The following NEGR1 variants were observed in gnomAD, a reference collection of about 807,000 sequenced individuals.
The protein encoded by NEGR1 is IgLON family member 4.
A neutral mutation model predicts 40.9 loss-of-function variants in NEGR1; 10 were observed. The ratio of observed to expected loss-of-function variants is 0.24; its 90% CI spans 0.15 to 0.42. The LOEUF is 0.42. NEGR1 is among the 10% of genes least tolerant of loss of function. The pLI is 1.00. For missense variants in NEGR1, 352 were observed against 438.9 expected (o/e 0.80, Z 1.77); for synonymous variants, 185 against 166.8 (o/e 1.11, Z -0.84).
chr1:71,469,269 T>A (rs1415146479), intron 6 of NEGR1, among the ~76,000 whole-genome samples: 2 of 152,056 alleles, frequency 1.3e-5, no homozygotes, highest in African/African-American at 4.8e-5. Flanking sequence ...ATTTATCTAA[T>A]TTGTCACTTG....
At chr1:72,177,656 ACAC>A (rs934755533) in intron 1 of NEGR1, among the ~76,000 whole-genome samples, 4 of 152,180 alleles carry the variant, frequency 2.6e-5, no homozygotes, top group Non-Finnish European at 4.4e-5. Context: ...TAGAAAAACA[ACAC>A]CACCATTTAA....
At chr1:71,645,174 C>G (rs1278625793) in intron 4 of NEGR1, among the ~76,000 whole-genome samples, 1 of 151,872 alleles carries the variant, frequency 6.6e-6, no homozygotes, top group Admixed American at 6.6e-5. Context: ...TAGGAGATAT[C>G]TTTGATTATG....
At chr1:71,534,688 C>G (rs1440919510) in intron 6 of NEGR1, among the ~76,000 whole-genome samples, 1 of 151,572 alleles carries the variant, frequency 6.6e-6, no homozygotes, top group Non-Finnish European at 1.5e-5. Context: ...TTCCATTTTC[C>G]ATTTGCAAGG....
chr1:71,610,958 A>G, intron 5 of NEGR1, 68 bp downstream of exon 5: 6 of 1,518,086 alleles, frequency 4.0e-6, no homozygotes, highest in Non-Finnish European at 5.4e-6. Context: ...TGCCTAAAGT[A>G]AGTATCTGAA....
intron 4 of NEGR1, among the ~76,000 whole-genome samples, chr1:71,626,291 A>G (rs1217743592): frequency 5.9e-5 from 9 of 151,940 alleles, no homozygotes; most frequent in Admixed American, 5.3e-4. Context: ...TACATGTGCC[A>G]CGTTGGTGTG....
At chr1:71,607,979 G>A (rs1489218433) in intron 5 of NEGR1, among the ~76,000 whole-genome samples, 4 of 152,182 alleles carry the variant, frequency 2.6e-5, no homozygotes, top group Non-Finnish European at 4.4e-5. Flanking sequence ...GAGCCACTGT[G>A]CCTGGCTAGC....
At chr1:71,666,892 A>G (rs958706521) in intron 4 of NEGR1, among the ~76,000 whole-genome samples, 1 of 152,202 alleles carries the variant, frequency 6.6e-6, no homozygotes, top group Non-Finnish European at 1.5e-5. Flanking sequence ...TTCCAACTAT[A>G]AAAACAGTCA....
At chr1:71,918,915 G>T (rs1661680281) in intron 2 of NEGR1, among the ~76,000 whole-genome samples, 1 of 152,064 alleles carries the variant, frequency 6.6e-6, no homozygotes, top group Non-Finnish European at 1.5e-5. Context: ...GTTAAGCCGG[G>T]GTAACTGATT....
intron 1 of NEGR1, among the ~76,000 whole-genome samples, chr1:72,199,142 T>TAG (rs1268615373): frequency 6.4e-4 from 91 of 143,168 alleles, no homozygotes; most frequent in African/African-American, 2.4e-3. Flanking sequence ...TCTATCTAGA[T>TAG]AGACAGACAG....
At chr1:71,860,229 G>A (rs1021795193) in intron 2 of NEGR1, among the ~76,000 whole-genome samples, 9 of 151,754 alleles carry the variant, frequency 5.9e-5, no homozygotes, top group African/African-American at 2.2e-4. Context: ...TCACAAAGGG[G>A]GAGTTTGTAA....
At chr1:72,165,060 A>C (rs962519270) in intron 1 of NEGR1, among the ~76,000 whole-genome samples, 2 of 151,810 alleles carry the variant, frequency 1.3e-5, no homozygotes, top group Non-Finnish European at 2.9e-5. Context: ...GACATAGTTC[A>C]TTATGTTGGA....
At chr1:71,737,339 A>C (rs1655070246) in intron 3 of NEGR1, among the ~76,000 whole-genome samples, 3 of 151,976 alleles carry the variant, frequency 2.0e-5, no homozygotes, top group Admixed American at 2.0e-4. Context: ...AGAGGTGAGA[A>C]AACAGCCTTT....
chr1:72,029,685 A>C (rs1201082305), intron 1 of NEGR1, among the ~76,000 whole-genome samples: 1 of 152,338 alleles, frequency 6.6e-6, no homozygotes, highest in South Asian at 2.1e-4. Flanking sequence ...GTTATATGCG[A>C]CAAAATGAAA....
intron 1 of NEGR1, among the ~76,000 whole-genome samples, chr1:72,170,324 C>A (rs868376799): frequency 6.6e-6 from 1 of 151,998 alleles, no homozygotes; most frequent in Non-Finnish European, 1.5e-5. Context: ...TTATTGTTTT[C>A]CCTGATTTAT....
chr1:72,053,855 C>CT (rs146183518), intron 1 of NEGR1, among the ~76,000 whole-genome samples: 17,804 of 145,786 alleles, frequency 0.12, 1,300 homozygotes, highest in East Asian at 0.28. Flanking sequence ...AAAACGAACA[C>CT]TTTTTTGTAT....
chr1:72,183,270 T>C (rs1264743725), intron 1 of NEGR1, among the ~76,000 whole-genome samples: 1 of 152,092 alleles, frequency 6.6e-6, no homozygotes, highest in African/African-American at 2.4e-5. Context: ...GGCCGGACTT[T>C]CCCAGGCTTC....
chr1:71,895,071 A>G (rs1299016803), intron 2 of NEGR1, among the ~76,000 whole-genome samples: 2 of 152,192 alleles, frequency 1.3e-5, no homozygotes, highest in East Asian at 1.9e-4. Context: ...TGTGTCCTCA[A>G]TAGGACATTT....
chr1:71,655,389 A>G (rs1445858493), intron 4 of NEGR1, among the ~76,000 whole-genome samples: 2 of 152,202 alleles, frequency 1.3e-5, no homozygotes, highest in African/African-American at 4.8e-5. Context: ...GCCTTCAGAT[A>G]GAGTAAAAAA....
chr1:71,547,749 G>GTGGT (rs142135159), intron 6 of NEGR1, among the ~76,000 whole-genome samples: 7,017 of 151,788 alleles, frequency 0.046, 544 homozygotes, highest in African/African-American at 0.16. Flanking sequence ...CATGGCATCT[G>GTGGT]TGGTTGCCAG....
Sources: allele counts gnomAD v4.1 joint callset (sites outside exome capture counted in the v4.1 genomes callset), GRCh38; gene constraint gnomAD v4.1.1; transcripts MANE v1.5; gene names NCBI Gene and HGNC (gene_info 2026-07-23, HGNC 2026-07-21).